CCDC62: variants seen among roughly 807,000 people sequenced by gnomAD.
The protein encoded by CCDC62 is coiled-coil domain containing 62.
Under a neutral mutation model 80.8 loss-of-function variants are expected in CCDC62, and 72 were observed. The ratio of observed to expected loss-of-function variants is 0.89; its 90% CI spans 0.74 to 1.08. The LOEUF is 1.08. Ranked by LOEUF, CCDC62 falls within the 50% of genes least tolerant of loss-of-function variation. The pLI, the probability that CCDC62 is intolerant of heterozygous loss-of-function variation, is 0.00. For synonymous variants in CCDC62, 286 were observed against 296.5 expected (o/e 0.96, Z 0.36); for missense variants, 704 against 809.4 (o/e 0.87, Z 1.58).
intron 7 of CCDC62, among the ~76,000 whole-genome samples, chr12:122,797,631 C>G (rs1437035931): frequency 1.3e-5 from 2 of 152,170 alleles, no homozygotes; most frequent in Non-Finnish European, 2.9e-5. Context: ...ACCTCCACCT[C>G]CTAGTTACAA....
rs1023266877 is a variant in CCDC62, at chr12:122,795,646, G to A, written c.773-1661G>A. 3.3e-5 allele frequency among the ~76,000 whole-genome samples: 5 copies of A among 152,024 alleles called. No individual in the cohort carries two copies. The East Asian group carries it at 5.8e-4, about 18-fold the overall frequency. On this transcript the variant is annotated intron_variant, in intron 6 of 12. Coordinates refer to ENST00000253079, the MANE Select transcript of CCDC62 (RefSeq NM_201435.5). Reference sequence around the variant, plus strand: ...TCACCGTGTTAGCCAGGATGGTCTTGATTTCCTGACCTCATGATCTGCCCA... The same window carrying A: ...TCACCGTGTTAGCCAGGATGGTCTTAATTTCCTGACCTCATGATCTGCCCA...
intron 10 of CCDC62, among the ~76,000 whole-genome samples, chr12:122,811,956 C>T (rs1247097886): frequency 6.6e-6 from 1 of 151,858 alleles, no homozygotes; most frequent in Non-Finnish European, 1.5e-5. Context: ...AGGCACATAC[C>T]CACATATTTT....
chr12:122,782,235 A>G (rs1322421960), intron 3 of CCDC62, among the ~76,000 whole-genome samples: 5 of 152,038 alleles, frequency 3.3e-5, no homozygotes, highest in Non-Finnish European at 7.4e-5. Context: ...AGGTATCTAC[A>G]CTCATCCACC....
intron 5 of CCDC62, 91 bp from the exon 6 acceptor site, chr12:122,791,929 C>G: frequency 1.2e-6 from 1 of 827,778 alleles, no homozygotes; most frequent in South Asian, 1.4e-5. Flanking sequence ...CCGGAAGGAG[C>G]CGCTGAGGAT....
intron 5 of CCDC62, among the ~76,000 whole-genome samples, chr12:122,791,677 G>C (rs1325365506): frequency 2.0e-5 from 3 of 152,186 alleles, no homozygotes; most frequent in African/African-American, 7.2e-5. Context: ...TCGAACTCCT[G>C]GCCTCAAGTG....
At chr12:122,800,617 G>A (rs564989320) in intron 8 of CCDC62, among the ~76,000 whole-genome samples, 20 of 151,896 alleles carry the variant, frequency 1.3e-4, no homozygotes, top group Admixed American at 2.0e-4. Context: ...TAGTAGATGG[G>A]GTTTCTCCAT....
At chr12:122,817,882 G>A (rs74575059) in intron 11 of CCDC62, among the ~76,000 whole-genome samples, 3,572 of 152,134 alleles carry the variant, frequency 0.023, 90 homozygotes, top group South Asian at 0.057. Flanking sequence ...AGGTGACTGC[G>A]TCCATGACTC....
chr12:122,808,756 A>G (rs1329816991), intron 10 of CCDC62, among the ~76,000 whole-genome samples: 1 of 152,004 alleles, frequency 6.6e-6, no homozygotes, highest in East Asian at 1.9e-4. Flanking sequence ...CAAACTCCTT[A>G]CCTCAAGCAA....
chr12:122,802,002 T>C, intron 9 of CCDC62, 150 bp downstream of exon 9: 1 of 822,112 alleles, frequency 1.2e-6, no homozygotes, highest in Non-Finnish European at 1.9e-6. Flanking sequence ...TGGTTCCCTC[T>C]TTTCATCACA....
intron 11 of CCDC62, among the ~76,000 whole-genome samples, chr12:122,814,668 T>G (rs990963364): frequency 1.3e-5 from 2 of 151,590 alleles, no homozygotes; most frequent in African/African-American, 4.8e-5. Context: ...CCACCATGCC[T>G]CACTAATTTT....
At chr12:122,781,040 T>G in intron 2 of CCDC62, 124 bp from the exon 3 acceptor site, 1 of 702,984 alleles carries the variant, frequency 1.4e-6, no homozygotes, top group East Asian at 2.7e-5. Context: ...TAATAAAAGG[T>G]TTTAAAAGAA....
At chr12:122,787,143 G>A (rs755704682) in intron 4 of CCDC62, among the ~76,000 whole-genome samples, 46 of 152,176 alleles carry the variant, frequency 3.0e-4, no homozygotes, top group Middle Eastern at 6.8e-3. Context: ...CAGTGGGTGC[G>A]TTAGGAAGGC....
chr12:122,785,635 GAAGT>G, intron 3 of CCDC62, 80 bp from the exon 4 acceptor site: 4 of 899,736 alleles, frequency 4.4e-6, no homozygotes, highest in South Asian at 2.8e-5. Flanking sequence ...ACAAAATAGA[GAAGT>G]AAGCGCAGAT....
chr12:122,780,385 G>A (rs1306775428), intron 2 of CCDC62, among the ~76,000 whole-genome samples: 1 of 150,624 alleles, frequency 6.6e-6, no homozygotes, highest in Non-Finnish European at 1.5e-5. Context: ...AGGCCGAGGT[G>A]GGCTGATCAC....
At chr12:122,818,811 CA>C (rs947618819) in intron 11 of CCDC62, among the ~76,000 whole-genome samples, 1 of 151,904 alleles carries the variant, frequency 6.6e-6, no homozygotes, top group Admixed American at 6.6e-5. Flanking sequence ...TCCAGCTACT[CA>C]GGAGGCTGAG....
At chr12:122,818,452 C>CAAA (rs138729013) in intron 11 of CCDC62, among the ~76,000 whole-genome samples, 1 of 61,966 alleles carries the variant, frequency 1.6e-5, no homozygotes, top group Non-Finnish European at 3.5e-5. Context: ...GACTCTGTCT[C>CAAA]AAAAAAAAAA....
chr12:122,791,202 G>A (rs1383018573), intron 5 of CCDC62, among the ~76,000 whole-genome samples: 4 of 152,024 alleles, frequency 2.6e-5, no homozygotes, highest in African/African-American at 4.8e-5. Context: ...GTGCAATGGC[G>A]CGATCTCAGC....
intron 2 of CCDC62, among the ~76,000 whole-genome samples, chr12:122,779,399 C>T (rs1879683300): frequency 6.6e-6 from 1 of 152,086 alleles, no homozygotes; most frequent in Admixed American, 6.6e-5. Context: ...TCCTACAGCC[C>T]AGCAAAGCCA....
At chr12:122,823,720 A>G (rs565494698) in intron 12 of CCDC62, among the ~76,000 whole-genome samples, 6 of 148,764 alleles carry the variant, frequency 4.0e-5, no homozygotes, top group African/African-American at 1.2e-4. Context: ...AAAAAAAAAA[A>G]GGCCGGGCGT....
Sources: allele counts gnomAD v4.1 joint callset (sites outside exome capture counted in the v4.1 genomes callset), GRCh38; gene constraint gnomAD v4.1.1; transcripts MANE v1.5; gene names NCBI Gene and HGNC (gene_info 2026-07-23, HGNC 2026-07-21).